The following LMF1 variants were observed in gnomAD, a reference collection of about 807,000 sequenced individuals.
LMF1 encodes the protein lipase maturation factor 1.
In LMF1, 68 loss-of-function variants were observed where a neutral mutation model predicts 60.6. That is an observed-to-expected ratio of 1.12 (90% CI 0.92 to 1.37). The LOEUF is 1.37. Among genes scored for constraint, LMF1 ranks in the 40% most tolerant of loss-of-function variants. The pLI is 0.00. For synonymous variants in LMF1, 418 were observed against 324.7 expected (o/e 1.29, Z -3.09); for missense variants, 948 against 767.2 (o/e 1.24, Z -2.78).
chr16:968,390 G>A (rs1194758226), intron 1 of LMF1: 1 of 152,226 alleles, frequency 6.6e-6, no homozygotes, highest in Non-Finnish European at 1.5e-5. Context: ...TTGGTTATGT[G>A]TTTAATTACA....
chr16:861,927 T>A (rs2069478364), intron 10 of LMF1, among the ~76,000 whole-genome samples: 1 of 152,194 alleles, frequency 6.6e-6, no homozygotes. Flanking sequence ...GTACAGATGC[T>A]CTTTATCCAG....
intron 5 of LMF1, among the ~76,000 whole-genome samples, chr16:888,586 CACA>C (rs1335404857): frequency 2.0e-5 from 3 of 152,206 alleles, no homozygotes; most frequent in African/African-American, 7.2e-5. Context: ...CCCCCACATT[CACA>C]ACCTGCTGTT....
At chr16:875,450 C>G (rs769940731) in intron 6 of LMF1, among the ~76,000 whole-genome samples, 2 of 152,178 alleles carry the variant, frequency 1.3e-5, no homozygotes, top group Non-Finnish European at 2.9e-5. Context: ...AGGGTCACCT[C>G]CCCATTCCAT....
At chr16:883,775 C>G (rs892756062) in intron 5 of LMF1, 1 of 152,176 alleles carries the variant, frequency 6.6e-6, no homozygotes, top group Non-Finnish European at 1.5e-5. Flanking sequence ...GAAAACAACA[C>G]CAGATAACCA....
At chr16:915,577 G>T (rs1021069922) in intron 3 of LMF1, among the ~76,000 whole-genome samples, 1 of 151,992 alleles carries the variant, frequency 6.6e-6, no homozygotes, top group Admixed American at 6.5e-5. Flanking sequence ...GGCTGCTCTG[G>T]GCTGGGCTGG....
Position 954,526 on chromosome 16 carries a change from T to C in LMF1, c.334A>G (p.Thr112Ala). Residue 112 changes from threonine (T) to alanine (A), a missense_variant, in exon 2 of 11, where the codon ACC becomes GCC. Physicochemically the swap from Thr to Ala is moderately conservative, Grantham distance 58 (BLOSUM62 0). Transcript: ENST00000262301. ...TSWEVFSYMP[T>A]ILWLMDWSDM... is the part of the protein sequence containing the mutation. Reference sequence around the variant, plus strand: ...GACCAGTCCATCAGCCAGAGGATGGTGGGCATGTAGCTGAAGACTTCCCAG... The same window carrying C: ...GACCAGTCCATCAGCCAGAGGATGGCGGGCATGTAGCTGAAGACTTCCCAG... 1 of 1,612,974 alleles carries C rather than the reference T, an allele frequency of 6.2e-7. No individual in the cohort carries two copies. The highest frequency in any genetic ancestry group is 1.3e-5 in the African/African-American group (1 of 75,028).
chr16:949,328 G>T lies in LMF1; in HGVS notation c.503+5029C>A, dbSNP rs71384606. ...AGAGACAACGACAGAGTCAGCCAAC[G>T]ACAGAGTCAGCCAACGACAGAGTCA... On this transcript the variant is annotated intron_variant, in intron 2 of 10. Coordinates refer to ENST00000262301, the MANE Select transcript of LMF1 (RefSeq NM_022773.4). Among the ~76,000 whole-genome samples, 853 of 125,616 alleles carry T rather than the reference G, an allele frequency of 6.8e-3. 6 individuals carry two copies. The highest frequency in any genetic ancestry group is 0.027 in the African/African-American group (807 of 30,438). 82.4% of individuals were successfully genotyped at this position (125,616 alleles called of 152,430 possible). A position where few individuals can be genotyped will look rare whatever the true frequency, so the allele number is the denominator to read the frequency against.
chr16:882,921 G>C (rs901719458), intron 5 of LMF1, among the ~76,000 whole-genome samples: 2 of 150,884 alleles, frequency 1.3e-5, no homozygotes, highest in Non-Finnish European at 2.9e-5. Context: ...CCAGGAGAAA[G>C]AGGAGCTGCT....
chr16:912,595 C>T (rs1056941929), intron 3 of LMF1, among the ~76,000 whole-genome samples: 1 of 152,204 alleles, frequency 6.6e-6, no homozygotes, highest in African/African-American at 2.4e-5. Context: ...TATGCTGCCC[C>T]GGCTTATGGA....
At chr16:904,455 C>T (rs1270210344) in intron 4 of LMF1, among the ~76,000 whole-genome samples, 4 of 112,270 alleles carry the variant, frequency 3.6e-5, no homozygotes, top group Non-Finnish European at 7.2e-5. Context: ...TGTGGGGACG[C>T]CCGTCTCTGC....
At chr16:977,223 A>G (rs543244739) in intron 1 of LMF1, 1 of 399,468 alleles carries the variant, frequency 2.5e-6, no homozygotes, top group Non-Finnish European at 5.0e-6. Context: ...CTTGACCCAA[A>G]CCGGAACTCG....
intron 10 of LMF1, among the ~76,000 whole-genome samples, chr16:860,068 C>CTCTG (rs146878794): frequency 0.11 from 16,909 of 149,156 alleles, 3,186 homozygotes; most frequent in African/African-American, 0.39. Context: ...GGTGAAACGT[C>CTCTG]TCTGTGCTCA....
At chr16:938,093 C>T (rs1441786532) in intron 2 of LMF1, among the ~76,000 whole-genome samples, 1 of 151,946 alleles carries the variant, frequency 6.6e-6, no homozygotes, top group East Asian at 1.9e-4. Context: ...AGCTGGGGGG[C>T]TTCCATGTCT....
At chr16:899,868 T>G (rs1257922186) in intron 4 of LMF1, 1 of 152,164 alleles carries the variant, frequency 6.6e-6, no homozygotes. Flanking sequence ...AGGCTTGGGG[T>G]GGCAGCACAC....
chr16:937,269 T>C (rs1364036426), intron 2 of LMF1, among the ~76,000 whole-genome samples: 2 of 152,254 alleles, frequency 1.3e-5, no homozygotes, highest in African/African-American at 2.4e-5. Flanking sequence ...TTTCAACAGT[T>C]GGAACTCACG....
chr16:951,802 G>A (rs1041609908), intron 2 of LMF1, among the ~76,000 whole-genome samples: 1 of 152,180 alleles, frequency 6.6e-6, no homozygotes, highest in Non-Finnish European at 1.5e-5. Flanking sequence ...AAGAGCATGT[G>A]GTGAAGGGAG....
intron 6 of LMF1, chr16:873,506 T>A (rs961494347): frequency 1.3e-5 from 2 of 152,166 alleles, no homozygotes; most frequent in African/African-American, 4.8e-5. Context: ...AAGAGTGGCA[T>A]CTTTGGATGC....
At chr16:979,612 G>A (rs908166882) in intron 1 of LMF1, 16 of 453,856 alleles carry the variant, frequency 3.5e-5, no homozygotes, top group African/African-American at 2.2e-4. Context: ...TGTGTCCCAG[G>A]GACTTGAAGC....
chr16:870,650 A>G (rs2069755578), intron 8 of LMF1, 79 bp downstream of exon 8: 1 of 1,540,108 alleles, frequency 6.5e-7, no homozygotes, highest in Non-Finnish European at 8.9e-7. Context: ...CTGCACTGTA[A>G]CCCCACCTGA....
Sources: gnomAD v4.1 joint callset for allele counts (sites outside exome capture counted in the v4.1 genomes callset) on GRCh38, gnomAD v4.1.1 for gene constraint, MANE v1.5 for transcripts, NCBI Gene and HGNC (gene_info 2026-07-23, HGNC 2026-07-21) for gene names.